SLC25A12: variants seen among roughly 807,000 people sequenced by gnomAD.
SLC25A12 encodes solute carrier family 25 member 12, also known as electrogenic aspartate/glutamate antiporter SLC25A12, mitochondrial.
SLC25A12 carries 32 observed loss-of-function variants against 83.3 expected under a neutral mutation model. The ratio of observed to expected loss-of-function variants is 0.38; its 90% CI spans 0.29 to 0.52. SLC25A12 has a LOEUF of 0.52. Ranked by LOEUF, SLC25A12 falls within the 20% of genes least tolerant of loss-of-function variation. The pLI is 0.84. For synonymous variants in SLC25A12, 267 were observed against 291.1 expected (o/e 0.92, Z 0.84); for missense variants, 611 against 835.6 (o/e 0.73, Z 3.31).
chr2:171,789,447 C>T (rs898532521), intron 15 of SLC25A12, among the ~76,000 whole-genome samples: 6 of 152,094 alleles, frequency 3.9e-5, no homozygotes, highest in Admixed American at 2.0e-4. Flanking sequence ...CCAGGATGGT[C>T]TCGATCTCCT....
At chr2:171,823,426 G>A (rs1005050534) in intron 9 of SLC25A12, among the ~76,000 whole-genome samples, 2 of 152,014 alleles carry the variant, frequency 1.3e-5, no homozygotes, top group Non-Finnish European at 2.9e-5. Flanking sequence ...CAAATCTCAA[G>A]GACAGTAAAG....
chr2:171,796,946 A>G (rs938828112), intron 13 of SLC25A12, among the ~76,000 whole-genome samples: 8 of 152,170 alleles, frequency 5.3e-5, no homozygotes. Flanking sequence ...GATTAGTTCA[A>G]TTATACTGGT....
intron 4 of SLC25A12, among the ~76,000 whole-genome samples, chr2:171,852,056 C>A (rs1684946915): frequency 6.6e-6 from 1 of 152,128 alleles, no homozygotes; most frequent in Non-Finnish European, 1.5e-5. Context: ...ATATACAAAC[C>A]ATTAAGTAAT....
At chr2:171,886,745 T>C (rs184759338) in intron 2 of SLC25A12, among the ~76,000 whole-genome samples, 2,955 of 152,028 alleles carry the variant, frequency 0.019, 53 homozygotes, top group Admixed American at 0.067. Flanking sequence ...CTCCTGACCT[T>C]GTGATCCGCC....
At chr2:171,891,133 T>C (rs1003127624) in intron 2 of SLC25A12, among the ~76,000 whole-genome samples, 2 of 152,034 alleles carry the variant, frequency 1.3e-5, no homozygotes, top group Non-Finnish European at 2.9e-5. Context: ...GGTGAAACCC[T>C]GTCTCTACTA....
At chr2:171,874,800 T>C (rs1368081404) in intron 2 of SLC25A12, among the ~76,000 whole-genome samples, 2 of 152,178 alleles carry the variant, frequency 1.3e-5, no homozygotes, top group Non-Finnish European at 2.9e-5. Flanking sequence ...AAATATCACA[T>C]GTTCTCTTTT....
intron 2 of SLC25A12, among the ~76,000 whole-genome samples, chr2:171,875,203 A>G (rs1447105980): frequency 6.6e-6 from 1 of 152,200 alleles, no homozygotes; most frequent in Non-Finnish European, 1.5e-5. Context: ...ACATGAGGTA[A>G]GCACCAAGTG....
At chr2:171,843,687 CAT>C (rs1430090746) in intron 5 of SLC25A12, among the ~76,000 whole-genome samples, 1 of 151,560 alleles carries the variant, frequency 6.6e-6, no homozygotes, top group African/African-American at 2.4e-5. Flanking sequence ...TATAATAACT[CAT>C]AGGATTACTG....
At chr2:171,848,080 T>C in intron 4 of SLC25A12, 1 of 429,258 alleles carries the variant, frequency 2.3e-6, no homozygotes, top group Non-Finnish European at 4.9e-6. Context: ...AAACCCATAC[T>C]GTGTCTCCCC....
intron 15 of SLC25A12, among the ~76,000 whole-genome samples, chr2:171,790,999 C>T (rs1487400252): frequency 6.6e-6 from 1 of 152,146 alleles, no homozygotes; most frequent in Admixed American, 6.5e-5. Context: ...AGCTTCACGA[C>T]AAAAGCTCAA....
At chr2:171,884,302 C>T (rs1685765111) in intron 2 of SLC25A12, among the ~76,000 whole-genome samples, 1 of 150,976 alleles carries the variant, frequency 6.6e-6, no homozygotes. Context: ...GCAATTCTCC[C>T]ACCTCAGCCT....
At chr2:171,884,943 G>A (rs1250418741) in intron 2 of SLC25A12, among the ~76,000 whole-genome samples, 1 of 152,158 alleles carries the variant, frequency 6.6e-6, no homozygotes, top group Non-Finnish European at 1.5e-5. Context: ...GCCAGGTGCG[G>A]TGGCTCACGC....
chr2:171,815,749 TC>T (rs1684038999), intron 9 of SLC25A12, among the ~76,000 whole-genome samples: 1 of 152,124 alleles, frequency 6.6e-6, no homozygotes, highest in Non-Finnish European at 1.5e-5. Context: ...AGATGTTATT[TC>T]ACAGGTATCC....
chr2:171,783,414 A>C lies in SLC25A12; in HGVS notation c.*1860T>G, dbSNP rs1690430938. Among the ~76,000 whole-genome samples the C allele has an allele frequency of 6.6e-6, 1 of 152,252 alleles. No homozygotes were observed. Among genetic ancestry groups the C allele is most frequent in the African/African-American group, 2.4e-5 (1 of 41,460 alleles). ...AATGAAATACTATGCAGCCATTAAAAATAAAACTTTATAAACTGACATGGA... is the reference window on the plus strand; with the variant it reads ...AATGAAATACTATGCAGCCATTAAACATAAAACTTTATAAACTGACATGGA... On this transcript the variant is annotated 3_prime_UTR_variant, in exon 18 of 18. Coordinates refer to ENST00000422440, the MANE Select transcript of SLC25A12 (RefSeq NM_003705.5).
Position 171,868,733 on chromosome 2 carries a change from T to C in SLC25A12, c.157A>G (p.Asn53Asp). The C allele has an allele frequency of 6.2e-7, 1 of 1,614,076 alleles. No individual in the cohort carries two copies. Among genetic ancestry groups the C allele is most frequent in the South Asian group, 1.1e-5 (1 of 91,084 alleles). Residue 53 changes from asparagine to aspartate, a missense_variant, in exon 3 of 18, where the codon AAC (asparagine) becomes GAC (aspartate). Coordinates refer to ENST00000422440, the MANE Select transcript of SLC25A12 (RefSeq NM_003705.5). ...YLGLYNDPNS[N>D]PKIVQLLAGV... ...GCCAAGAGCTGCACGATCTTTGGGT[T>C]ACTATTTGGATCATTATACAGTCCA...
intron 14 of SLC25A12, among the ~76,000 whole-genome samples, chr2:171,793,045 T>C (rs969776423): frequency 1.3e-5 from 2 of 152,016 alleles, no homozygotes; most frequent in Admixed American, 6.6e-5. Flanking sequence ...TCTGTAATGA[T>C]GGGAGTAAGT....
chr2:171,801,578 GT>G lies in SLC25A12; in HGVS notation c.1306-7812del, dbSNP rs980154799. 3.9e-5 allele frequency among the ~76,000 whole-genome samples: 6 copies of G among 152,058 alleles called. No homozygotes were observed. In the East Asian group the frequency reaches 1.2e-3, roughly 29 times the overall value. On this transcript the variant is annotated intron_variant, in intron 13 of 17. Transcript: ENST00000422440. ...CAACTTAACAATGATACAACTTATG[GT>G]TTTTTGACTTTACAATGGTGCAAAA...
chr2:171,793,710 G>A lies in SLC25A12; in HGVS notation c.1363C>T (p.Gln455Ter). The change falls in exon 14 of 18, where the codon CAA (glutamine) becomes TAA (stop). Residue 455 changes from glutamine (Q) to a stop codon, truncating the protein, a stop_gained. Coordinates refer to ENST00000422440, the MANE Select transcript of SLC25A12 (RefSeq NM_003705.5). LOFTEE classifies it high-confidence loss of function. ...NPLEIVKIRL[Q>*]VAGEITTGPR... is the part of the protein sequence containing the mutation. ...CCCGTGGTGATCTCTCCAGCTACTTGCAGACGAATCTTCACTATCTCCAAT... is the reference window on the plus strand; with the variant it reads ...CCCGTGGTGATCTCTCCAGCTACTTACAGACGAATCTTCACTATCTCCAAT... 6.2e-7 allele frequency: 1 copy of A among 1,614,118 alleles called. No individual in the cohort carries two copies. The highest frequency in any genetic ancestry group is 1.3e-5 in the African/African-American group (1 of 75,024).
rs140495419 is a variant in SLC25A12, at chr2:171,876,400, G to T, written c.67-7577C>A. On this transcript the variant is annotated intron_variant, in intron 2 of 17. Transcript: ENST00000422440. Reference sequence around the variant, plus strand: ...TTGCCTGAACAACACAACCAAAGAGGGAGTTTAGATCTGAAACTAGAATCT... The same window carrying T: ...TTGCCTGAACAACACAACCAAAGAGTGAGTTTAGATCTGAAACTAGAATCT... Among the ~76,000 whole-genome samples, 22 of 152,130 alleles carry T rather than the reference G, an allele frequency of 1.4e-4. 1 individual carries two copies. The highest frequency in any genetic ancestry group is 5.3e-4 in the African/African-American group (22 of 41,518).
Sources: gnomAD v4.1 joint callset for allele counts (sites outside exome capture counted in the v4.1 genomes callset) on GRCh38, gnomAD v4.1.1 for gene constraint, MANE v1.5 for transcripts, NCBI Gene and HGNC (gene_info 2026-07-23, HGNC 2026-07-21) for gene names.